The following BICDL1 variants were observed in gnomAD, a reference collection of about 807,000 sequenced individuals.
BICDL1 encodes BICD family-like cargo adapter 1.
A neutral mutation model predicts 76.8 loss-of-function variants in BICDL1; 20 were observed. The observed-to-expected ratio is 0.26, with a 90% CI of 0.18 to 0.38. The LOEUF is 0.38. Ranked by LOEUF, BICDL1 falls within the 10% of genes least tolerant of loss-of-function variation. The probability of loss-of-function intolerance (pLI) is 1.00; values close to 1 mark genes in which losing one functional copy is unlikely to be tolerated. For missense variants in BICDL1, 700 were observed against 798.6 expected (o/e 0.88, Z 1.49); for synonymous variants, 383 against 337.1 (o/e 1.14, Z -1.49).
chr12:119,996,530 A>G (rs2138597533), intron 1 of BICDL1, among the ~76,000 whole-genome samples: 1 of 152,338 alleles, frequency 6.6e-6, no homozygotes, highest in Middle Eastern at 3.4e-3. Context: ...TCAGGTGAAT[A>G]AGAGTATAGC....
chr12:120,084,650 A>T (rs2139000766), intron 8 of BICDL1, among the ~76,000 whole-genome samples: 1 of 152,268 alleles, frequency 6.6e-6, no homozygotes, highest in East Asian at 1.9e-4. Flanking sequence ...GCACTATGAG[A>T]GGCCGAGGCA....
chr12:120,011,420 G>A (rs969966650), intron 2 of BICDL1, among the ~76,000 whole-genome samples: 1 of 152,164 alleles, frequency 6.6e-6, no homozygotes, highest in Non-Finnish European at 1.5e-5. Flanking sequence ...AGATTAGAGT[G>A]GCTGATTGCT....
chr12:120,044,558 A>G (rs1031103368), intron 2 of BICDL1, among the ~76,000 whole-genome samples: 2 of 152,104 alleles, frequency 1.3e-5, no homozygotes, highest in African/African-American at 2.4e-5. Context: ...AAGGTTCTCA[A>G]TTTCTTTTCC....
chr12:119,991,801 A>G (rs1048751194), intron 1 of BICDL1, among the ~76,000 whole-genome samples: 9 of 152,212 alleles, frequency 5.9e-5, no homozygotes, highest in Admixed American at 2.0e-4. Flanking sequence ...GCAATTACAT[A>G]CATTCTGGGT....
In BICDL1 at chr12:119,990,106, CCTGGGTCTCTGGCCGAGG is replaced by C. The variant is rs1395276796; in HGVS notation, c.239_256del (p.Pro80_Gly86delinsArg). The C allele has an allele frequency of 1.3e-6, 2 of 1,549,422 alleles. No individual in the cohort carries two copies. Among genetic ancestry groups the C allele is most frequent in the South Asian group, 1.2e-5 (1 of 84,026 alleles). On this transcript the variant is annotated inframe_deletion, in exon 1 of 10. Coordinates refer to ENST00000548673, the MANE Select transcript of BICDL1 (RefSeq NM_001367886.1). ...CCCCGGGGAACACCCTCAGGCCGAG[CCTGGGTCTCTGGCCGAGG>C]GGGCCGGACCGCAGCCGCCGCCCTC...
intron 8 of BICDL1, among the ~76,000 whole-genome samples, chr12:120,082,250 T>A (rs1566267264): frequency 1.3e-5 from 2 of 151,348 alleles, no homozygotes; most frequent in African/African-American, 4.9e-5. Flanking sequence ...ATATTTCCAA[T>A]AAACTAGGTC....
intron 2 of BICDL1, among the ~76,000 whole-genome samples, chr12:120,023,783 C>A (rs1952232201): frequency 6.7e-6 from 1 of 149,740 alleles, no homozygotes; most frequent in East Asian, 2.0e-4. Context: ...GAGTAAAATT[C>A]CATCTCGAAA....
intron 8 of BICDL1, among the ~76,000 whole-genome samples, chr12:120,087,145 C>T (rs897014724): frequency 6.6e-6 from 1 of 152,270 alleles, no homozygotes; most frequent in African/African-American, 2.4e-5. Context: ...GGAGGGGTGT[C>T]CATGGCAACC....
intron 2 of BICDL1, among the ~76,000 whole-genome samples, chr12:120,015,564 GT>G (rs1228451355): frequency 2.0e-5 from 3 of 152,132 alleles, no homozygotes; most frequent in Non-Finnish European, 4.4e-5. Context: ...GTTAATTCAT[GT>G]ATTTGACTCC....
intron 2 of BICDL1, among the ~76,000 whole-genome samples, chr12:120,011,525 T>C (rs1433432903): frequency 6.6e-6 from 1 of 152,202 alleles, no homozygotes; most frequent in East Asian, 1.9e-4. Flanking sequence ...CTATCCCAGA[T>C]AGAGAAGCTG....
intron 2 of BICDL1, chr12:120,057,320 T>G (rs1261459381): frequency 1.3e-5 from 4 of 309,564 alleles, no homozygotes; most frequent in Non-Finnish European, 2.5e-5. Flanking sequence ...ATTCAATTTT[T>G]TGTCTTTCCA....
chr12:120,024,974 A>G (rs1726347781), intron 2 of BICDL1, among the ~76,000 whole-genome samples: 1 of 151,610 alleles, frequency 6.6e-6, no homozygotes, highest in Non-Finnish European at 1.5e-5. Flanking sequence ...CACCGCACCC[A>G]GCCAAGTCCT....
chr12:120,079,285 A>G lies in BICDL1; in HGVS notation c.1453-1602A>G, dbSNP rs1050435028. 1.3e-5 allele frequency among the ~76,000 whole-genome samples: 2 copies of G among 152,210 alleles called. No homozygotes were observed. Among genetic ancestry groups the G allele is most frequent in the Admixed American group, 1.3e-4 (2 of 15,282 alleles). On this transcript the variant is annotated intron_variant, in intron 7 of 9. Coordinates refer to ENST00000548673, the MANE Select transcript of BICDL1 (RefSeq NM_001367886.1). The surrounding 1 kb of genome is among the most constrained non-coding windows in gnomAD (Gnocchi z 4.3). ...AGTGGCTGCTACCCCAGGGGCTGGC[A>G]GCTCTGCCGTCTCGTTCTGGAGAAT...
At chr12:120,006,746 A>G (rs1310259573) in intron 2 of BICDL1, among the ~76,000 whole-genome samples, 1 of 152,152 alleles carries the variant, frequency 6.6e-6, no homozygotes, top group Admixed American at 6.5e-5. Flanking sequence ...GGGTTAGGAG[A>G]TGAGATCAGA....
At position 120,064,717 on chromosome 12, in the gene BICDL1, C is replaced by A; in HGVS notation, c.763-16C>A. On this transcript the variant is annotated splice_polypyrimidine_tract_variant and intron_variant, in intron 3 of 9. Coordinates refer to ENST00000548673, the MANE Select transcript of BICDL1 (RefSeq NM_001367886.1). ...GTGTAACTCCACACCACCCCTGTGGCTCTCCACCCTTTCAGATCAAGATGC... is the reference window on the plus strand; with the variant it reads ...GTGTAACTCCACACCACCCCTGTGGATCTCCACCCTTTCAGATCAAGATGC... 6.3e-7 allele frequency: 1 copy of A among 1,597,378 alleles called. No individual in the cohort carries two copies.
At chr12:120,013,601 A>G (rs1952002855) in intron 2 of BICDL1, among the ~76,000 whole-genome samples, 2 of 151,888 alleles carry the variant, frequency 1.3e-5, no homozygotes, top group South Asian at 4.2e-4. Flanking sequence ...AGCTGGGATT[A>G]CAGGTGCCCG....
chr12:120,039,131 T>C (rs933214620), intron 2 of BICDL1, among the ~76,000 whole-genome samples: 5 of 151,678 alleles, frequency 3.3e-5, no homozygotes, highest in African/African-American at 9.7e-5. Flanking sequence ...ACCCCATCTC[T>C]ACTAAAAATA....
intron 7 of BICDL1, 94 bp downstream of exon 7, chr12:120,074,680 T>G: frequency 1.1e-6 from 1 of 926,302 alleles, no homozygotes; most frequent in Non-Finnish European, 1.3e-6. Flanking sequence ...CATTTCTGTG[T>G]GAGAAGTGGC....
rs1242590472 is a variant in BICDL1 at position 119,989,266 on chromosome 12, C to G, written c.-603C>G. Among the ~76,000 whole-genome samples, 1 of 149,950 alleles carries G rather than the reference C, an allele frequency of 6.7e-6. No individual in the cohort carries two copies. Among genetic ancestry groups the G allele is most frequent in the East Asian group, 2.0e-4 (1 of 5,036 alleles). On this transcript the variant is annotated 5_prime_UTR_variant, in exon 1 of 10. Transcript: ENST00000548673. ...GGAGCTCGCCGGGTTGCGCGGCGCG[C>G]GATGTGGAGCCGCCGCCTCGGCCCC... is the stretch of plus-strand genomic sequence containing the variant.
Sources: gnomAD v4.1 joint callset for allele counts (sites outside exome capture counted in the v4.1 genomes callset) on GRCh38, gnomAD v4.1.1 for gene constraint, Gnocchi (gnomAD v3.1) non-coding constraint, MANE v1.5 for transcripts, NCBI Gene and HGNC (gene_info 2026-07-23, HGNC 2026-07-21) for gene names.